ADAM9: variants seen among roughly 807,000 people sequenced by gnomAD.
ADAM9 encodes ADAM metallopeptidase domain 9, also known as disintegrin and metalloproteinase domain-containing protein 9.
A neutral mutation model predicts 108.1 loss-of-function variants in ADAM9; 54 were observed. The observed-to-expected ratio is 0.50, with a 90% CI of 0.40 to 0.63. The LOEUF (loss-of-function observed/expected upper bound fraction) is 0.63, where lower values mean the gene tolerates loss of function less well. Ranked by LOEUF, ADAM9 falls within the 20% of genes least tolerant of loss-of-function variation. The probability of loss-of-function intolerance (pLI) is 0.00; values close to 1 mark genes in which losing one functional copy is unlikely to be tolerated. For missense variants in ADAM9, 830 were observed against 997.7 expected, an observed-to-expected ratio of 0.83 and a Z score of 2.26; for synonymous variants, 316 against 336.0, an observed-to-expected ratio of 0.94 and a Z score of 0.65.
At chr8:39,030,533 A>G (rs1358328590) in intron 11 of ADAM9, among the ~76,000 whole-genome samples, 1 of 152,188 alleles carries the variant, frequency 6.6e-6, no homozygotes, top group African/African-American at 2.4e-5. Context: ...AGCTTTGGCA[A>G]TTATGAAAAA....
At chr8:39,020,308 A>G (rs1836694176) in intron 7 of ADAM9, among the ~76,000 whole-genome samples, 1 of 152,200 alleles carries the variant, frequency 6.6e-6, no homozygotes, top group African/African-American at 2.4e-5. Flanking sequence ...TGCTGTCTCC[A>G]GATGTATTTG....
At chr8:39,064,756 G>A (rs1838403087) in intron 14 of ADAM9, among the ~76,000 whole-genome samples, 1 of 152,112 alleles carries the variant, frequency 6.6e-6, no homozygotes, top group Admixed American at 6.6e-5. Flanking sequence ...GTGAATTAGA[G>A]GTAAATTTTT....
intron 16 of ADAM9, among the ~76,000 whole-genome samples, chr8:39,078,425 TATCTA>T (rs149827807): frequency 0.04 from 6,105 of 151,994 alleles, 425 homozygotes; most frequent in African/African-American, 0.14. Context: ...GACATGCTCT[TATCTA>T]ATCTGCCAGT....
chr8:39,021,544 A>G, intron 7 of ADAM9, 99 bp from the exon 8 acceptor site: 1 of 1,117,832 alleles, frequency 8.9e-7, no homozygotes, highest in South Asian at 1.2e-5. Flanking sequence ...TGGGCCTCTC[A>G]AAATGCTAGA....
intron 14 of ADAM9, among the ~76,000 whole-genome samples, chr8:39,063,852 AG>A (rs1838373327): frequency 6.6e-6 from 1 of 152,174 alleles, no homozygotes. Context: ...ATTTAACAGT[AG>A]ATACCCTACA....
chr8:39,020,227 G>A (rs185900218), intron 7 of ADAM9, among the ~76,000 whole-genome samples: 4 of 152,276 alleles, frequency 2.6e-5, no homozygotes, highest in Admixed American at 1.3e-4. Context: ...ACTGCAGCCT[G>A]GGTGACAGAG....
intron 6 of ADAM9, chr8:39,018,559 C>T (rs1288278147): frequency 1.1e-5 from 4 of 367,350 alleles, no homozygotes; most frequent in Non-Finnish European, 2.0e-5. Context: ...TTATCTGTAA[C>T]TAACATTTTT....
intron 20 of ADAM9, among the ~76,000 whole-genome samples, chr8:39,094,734 CTTTCTA>C (rs1351386641): frequency 2.0e-5 from 3 of 151,906 alleles, no homozygotes; most frequent in Non-Finnish European, 2.9e-5. Flanking sequence ...TCTTATAAAA[CTTTCTA>C]TTTCTGTGGT....
chr8:39,069,847 A>G (rs936736129), intron 14 of ADAM9, among the ~76,000 whole-genome samples: 1 of 152,198 alleles, frequency 6.6e-6, no homozygotes, highest in African/African-American at 2.4e-5. Context: ...AACTGTTGAA[A>G]ATTTCATGAA....
At chr8:39,061,943 T>C (rs769449014) in intron 14 of ADAM9, among the ~76,000 whole-genome samples, 16 of 151,838 alleles carry the variant, frequency 1.1e-4, no homozygotes, top group Admixed American at 1.0e-3. Flanking sequence ...CAGACACTTA[T>C]TTCTCAGAGT....
chr8:39,103,712 T>G lies in ADAM9; in HGVS notation c.*12T>G, dbSNP rs781426617. The G allele has an allele frequency of 1.2e-6, 2 of 1,610,152 alleles. No individual in the cohort carries two copies. The highest frequency in any genetic ancestry group is 4.5e-5 in the East Asian group (2 of 44,860). ...GTTCCCTCACTTGATTTTTTTAACC[T>G]TCTTTTTGCAAATGTCTTCAGGGAA... On this transcript the variant is annotated 3_prime_UTR_variant, in exon 22 of 22. Transcript: ENST00000487273.
At chr8:39,052,584 A>G (rs1837993099) in intron 12 of ADAM9, among the ~76,000 whole-genome samples, 1 of 152,066 alleles carries the variant, frequency 6.6e-6, no homozygotes, top group South Asian at 2.1e-4. Flanking sequence ...TTTTTTTTAA[A>G]TTTAAAATTT....
intron 11 of ADAM9, among the ~76,000 whole-genome samples, chr8:39,037,460 T>G (rs866374725): frequency 9.1e-4 from 94 of 103,476 alleles, no homozygotes; most frequent in East Asian, 3.3e-3. Context: ...GTGTGTGTGT[T>G]TTTTTTTTTT....
At chr8:39,025,763 T>C in intron 9 of ADAM9, 40 bp from the exon 10 acceptor site, 1 of 1,583,826 alleles carries the variant, frequency 6.3e-7, no homozygotes, top group Non-Finnish European at 8.7e-7. Flanking sequence ...TGTTCCTTTT[T>C]TCCCCAAGAA....
chr8:39,039,530 G>A (rs73602717), intron 11 of ADAM9, among the ~76,000 whole-genome samples: 142 of 152,250 alleles, frequency 9.3e-4, no homozygotes, highest in African/African-American at 3.1e-3. Context: ...CTGCTACTTT[G>A]TATCAGACCT....
intron 11 of ADAM9, among the ~76,000 whole-genome samples, chr8:39,030,544 A>C (rs1454134557): frequency 6.6e-6 from 1 of 152,232 alleles, no homozygotes; most frequent in African/African-American, 2.4e-5. Flanking sequence ...TTATGAAAAA[A>C]GCTGCCATAA....
rs1806067899 is a variant in ADAM9 at position 39,068,152 on chromosome 8, T to C, written c.1592-3146T>C. ...GAGTTTCCATCTTTCACATTAGCCA[T>C]GTTCCTCAGCTCTCCCATAGTCCCT... On this transcript the variant is annotated intron_variant, in intron 14 of 21. Transcript: ENST00000487273. 5.3e-5 allele frequency among the ~76,000 whole-genome samples: 8 copies of C among 152,314 alleles called. No individual in the cohort carries two copies. In the South Asian group the frequency reaches 1.0e-3, roughly 20 times the overall value.
At chr8:39,018,678 C>G (rs1453142964) in intron 6 of ADAM9, 175 bp from the exon 7 acceptor site, 2 of 650,680 alleles carry the variant, frequency 3.1e-6, no homozygotes, top group African/African-American at 3.6e-5. Context: ...GTTTTCATCA[C>G]TAAGAAGCAG....
At chr8:39,023,067 A>T (rs1836798223) in intron 8 of ADAM9, 89 bp from the exon 9 acceptor site, 1 of 1,212,700 alleles carries the variant, frequency 8.2e-7, no homozygotes, top group African/African-American at 1.5e-5. Context: ...GGGAGTTTTA[A>T]TTTAAGTAGC....
Sources: gnomAD v4.1 joint callset for allele counts (sites outside exome capture counted in the v4.1 genomes callset) on GRCh38, gnomAD v4.1.1 for gene constraint, MANE v1.5 for transcripts, NCBI Gene and HGNC (gene_info 2026-07-23, HGNC 2026-07-21) for gene names.